The following MEIS2 variants were observed in gnomAD, a reference collection of about 807,000 sequenced individuals.
The protein encoded by MEIS2 is homeobox protein Meis2.
A neutral mutation model predicts 58.6 loss-of-function variants in MEIS2; 9 were observed. The ratio of observed to expected loss-of-function variants is 0.15; its 90% CI spans 0.09 to 0.27. The LOEUF (loss-of-function observed/expected upper bound fraction) is 0.27, where lower values mean the gene tolerates loss of function less well. MEIS2 is among the 10% of genes least tolerant of loss of function. The pLI, the probability that MEIS2 is intolerant of heterozygous loss-of-function variation, is 1.00. For missense variants in MEIS2, 427 were observed against 635.0 expected, an observed-to-expected ratio of 0.67 and a Z score of 3.52; for synonymous variants, 221 against 228.4, an observed-to-expected ratio of 0.97 and a Z score of 0.29.
intron 8 of MEIS2, among the ~76,000 whole-genome samples, chr15:36,971,618 A>T (rs577235855): frequency 6.6e-6 from 1 of 150,532 alleles, no homozygotes; most frequent in Non-Finnish European, 1.5e-5. Context: ...AAGCAATAAG[A>T]TCCTAGAATG....
chr15:37,031,547 A>T (rs930434117), intron 8 of MEIS2, among the ~76,000 whole-genome samples: 11 of 151,952 alleles, frequency 7.2e-5, no homozygotes, highest in African/African-American at 2.7e-4. Flanking sequence ...ATGGAACTGA[A>T]TATACTTATA....
chr15:36,913,576 T>C (rs1218183441), intron 9 of MEIS2, among the ~76,000 whole-genome samples: 8 of 152,308 alleles, frequency 5.3e-5, no homozygotes, highest in Non-Finnish European at 1.0e-4. Context: ...GGAAAGATTA[T>C]AGAACAGAGT....
At chr15:36,966,416 A>T (rs2059359756) in intron 8 of MEIS2, among the ~76,000 whole-genome samples, 1 of 152,208 alleles carries the variant, frequency 6.6e-6, no homozygotes, top group African/African-American at 2.4e-5. Context: ...TTAGTATCGC[A>T]TCACCAGACG....
intron 7 of MEIS2, among the ~76,000 whole-genome samples, chr15:37,037,392 C>A (rs184212476): frequency 6.6e-6 from 1 of 152,190 alleles, no homozygotes; most frequent in African/African-American, 2.4e-5. Flanking sequence ...TGTCACTGTT[C>A]GTTGCACATA....
chr15:37,095,897 G>T, intron 3 of MEIS2: 1 of 514,774 alleles, frequency 1.9e-6, no homozygotes, highest in South Asian at 2.2e-5. Context: ...CCAAGAGGCT[G>T]TGGCTCTCCA....
At chr15:36,993,953 A>G (rs2060385758) in intron 8 of MEIS2, among the ~76,000 whole-genome samples, 1 of 152,102 alleles carries the variant, frequency 6.6e-6, no homozygotes, top group African/African-American at 2.4e-5. Flanking sequence ...CTACCTCCAT[A>G]AGGTGTGAAG....
intron 8 of MEIS2, among the ~76,000 whole-genome samples, chr15:36,983,108 T>C (rs1436730733): frequency 6.6e-6 from 1 of 152,134 alleles, no homozygotes; most frequent in Non-Finnish European, 1.5e-5. Flanking sequence ...GTATATTCAC[T>C]CTGTTGATTG....
At chr15:37,045,751 G>A (rs1224118156) in intron 7 of MEIS2, among the ~76,000 whole-genome samples, 1 of 152,154 alleles carries the variant, frequency 6.6e-6, no homozygotes, top group Non-Finnish European at 1.5e-5. Context: ...AAATTTTTCT[G>A]TGATTTTTCA....
intron 11 of MEIS2, 32 bp from the exon 12 acceptor site, chr15:36,892,491 C>G: frequency 8.1e-7 from 1 of 1,239,100 alleles, no homozygotes; most frequent in Non-Finnish European, 1.1e-6. Context: ...GAAAGCGGGT[C>G]AAATTCCTAA....
rs372495997 is a variant in MEIS2 at position 37,073,425 on chromosome 15, G to A, written c.754+10346C>T. Among the ~76,000 whole-genome samples the A allele has an allele frequency of 9.9e-5, 15 of 151,898 alleles. No homozygotes were observed. The East Asian group carries it at 1.7e-3, about 18-fold the overall frequency. On this transcript the variant is annotated intron_variant, in intron 7 of 11. Transcript: ENST00000561208. The stretch of plus-strand genomic sequence containing the variant: ...ATACACACACAAACACACATCTTGG[G>A]AGAAGGTAAGCCGTTGAAGATAAGG...
intron 7 of MEIS2, among the ~76,000 whole-genome samples, chr15:37,054,038 T>G (rs1220480062): frequency 6.6e-6 from 1 of 152,240 alleles, no homozygotes; most frequent in Non-Finnish European, 1.5e-5. Context: ...CTTCTTGCCT[T>G]GCCTGTAGCA....
At chr15:37,049,471 TTTTTTG>T (rs147741223) in intron 7 of MEIS2, among the ~76,000 whole-genome samples, 28,968 of 151,168 alleles carry the variant, frequency 0.19, 3,148 homozygotes, top group East Asian at 0.27. Flanking sequence ...TGGTTTTGTT[TTTTTTG>T]TTTTTGTTTT....
chr15:36,992,196 C>G (rs373802228), intron 8 of MEIS2, among the ~76,000 whole-genome samples: 1 of 152,022 alleles, frequency 6.6e-6, no homozygotes, highest in African/African-American at 2.4e-5. Flanking sequence ...GCCAGATTAA[C>G]TCTGCTTGGA....
chr15:36,993,117 G>A (rs2060357874), intron 8 of MEIS2, among the ~76,000 whole-genome samples: 1 of 152,110 alleles, frequency 6.6e-6, no homozygotes, highest in African/African-American at 2.4e-5. Flanking sequence ...GTAGTAGGAG[G>A]AGTTCTGGAA....
chr15:37,067,088 C>A, intron 7 of MEIS2, among the ~76,000 whole-genome samples: 1 of 129,572 alleles, frequency 7.7e-6, no homozygotes, highest in East Asian at 2.3e-4. Flanking sequence ...GCAACTAACT[C>A]TTTTTTTTTT....
chr15:36,989,466 T>C (rs772920360), intron 8 of MEIS2, among the ~76,000 whole-genome samples: 3 of 152,202 alleles, frequency 2.0e-5, no homozygotes, highest in Non-Finnish European at 4.4e-5. Flanking sequence ...GGACTTCTTC[T>C]TTCAGCTTCA....
chr15:37,028,723 C>T (rs560049884), intron 8 of MEIS2, among the ~76,000 whole-genome samples: 1 of 152,170 alleles, frequency 6.6e-6, no homozygotes, highest in Non-Finnish European at 1.5e-5. Context: ...CATCAGAACA[C>T]TCAGGCTTTC....
intron 9 of MEIS2, among the ~76,000 whole-genome samples, chr15:36,916,484 T>G (rs1440643313): frequency 6.6e-6 from 1 of 150,856 alleles, no homozygotes; most frequent in Non-Finnish European, 1.5e-5. Flanking sequence ...CAGGCTGAAG[T>G]GCAGTGGTGT....
At chr15:36,976,895 A>G (rs895757977) in intron 8 of MEIS2, among the ~76,000 whole-genome samples, 22 of 152,264 alleles carry the variant, frequency 1.4e-4, no homozygotes, top group African/African-American at 5.1e-4. Context: ...ATGCCAAGGC[A>G]GGCGGATCAC....
Sources: gnomAD v4.1 joint callset for allele counts (sites outside exome capture counted in the v4.1 genomes callset) on GRCh38, gnomAD v4.1.1 for gene constraint, MANE v1.5 for transcripts, NCBI Gene and HGNC (gene_info 2026-07-23, HGNC 2026-07-21) for gene names.